Variants in UGT2B10 observed in about 807,000 individuals in gnomAD.
The protein encoded by UGT2B10 is UDP glucuronosyltransferase family 2 member B10.
In UGT2B10, 51 loss-of-function variants were observed where a neutral mutation model predicts 43.7. That is an observed-to-expected ratio of 1.17 (90% CI 0.93 to 1.47). UGT2B10 has a LOEUF of 1.47. Among genes scored for constraint, UGT2B10 ranks in the 40% most tolerant of loss-of-function variants. UGT2B10 has a pLI of 0.00. For missense variants in UGT2B10, 696 were observed against 617.7 expected (o/e 1.13, Z -1.34); for synonymous variants, 225 against 209.0 (o/e 1.08, Z -0.66).
chr4:68,831,710 T>C lies in UGT2B10; in HGVS notation c.*831T>C, dbSNP rs1738107565. Among the ~76,000 whole-genome samples, 3 of 152,120 alleles carry C rather than the reference T, an allele frequency of 2.0e-5. No homozygotes were observed. Among genetic ancestry groups the C allele is most frequent in the Admixed American group, 1.3e-4 (2 of 15,246 alleles). On this transcript the variant is annotated 3_prime_UTR_variant, in exon 6 of 6. Transcript: ENST00000265403. ...TCTTCCAAAGCTCTCTTGTTTCTAG[T>C]TGTTTTCTTGGTCTTAACTACCCAT...
At chr4:68,830,579 A>T (rs2109707272) in intron 5 of UGT2B10, 21 bp from the exon 6 acceptor site, 1 of 1,594,208 alleles carries the variant, frequency 6.3e-7, no homozygotes, top group East Asian at 2.2e-5. Flanking sequence ...CAGTGTCGGT[A>T]TCTTTATTTT....
In UGT2B10 at chr4:68,816,395, T is replaced by C. The variant is rs182665756; in HGVS notation, c.376T>C (p.Cys126Arg). 8.6e-5 allele frequency: 138 copies of C among 1,612,742 alleles called. No individual in the cohort carries two copies. The highest frequency in any genetic ancestry group is 1.7e-6 in the Non-Finnish European group (2 of 1,179,326). Residue 126 changes from cysteine to arginine, a missense_variant, in exon 1 of 6, where the codon TGT becomes CGT. Physicochemically the swap from Cys to Arg is radical, Grantham distance 180. Coordinates refer to ENST00000265403, the MANE Select transcript of UGT2B10 (RefSeq NM_001075.6). ...AATTAATGACATAATTAGAAACTTC[T>C]GTAAAGATGTAGTTTCAAATAAGAA... ...WAINDIIRNF[C>R]KDVVSNKKLM...
rs1334616918 is a variant in UGT2B10, at chr4:68,830,988, A to G, written c.*109A>G. On this transcript the variant is annotated 3_prime_UTR_variant, in exon 6 of 6. Transcript: ENST00000265403. ...TTCTTTCTTCCTGTGACAAAAAAAA[A>G]TCCTTTCGAAGTCTACCTTGTCAAG... The G allele has an allele frequency of 1.4e-6, 2 of 1,434,322 alleles. No individual in the cohort carries two copies. The highest frequency in any genetic ancestry group is 2.6e-5 in the Admixed American group (1 of 39,040). The allele number at this position is 1,434,322 out of a possible 1,614,324, so 88.8% of individuals were successfully genotyped here.
intron 2 of UGT2B10, among the ~76,000 whole-genome samples, chr4:68,818,734 G>C (rs932406060): frequency 4.6e-5 from 7 of 151,794 alleles, no homozygotes; most frequent in African/African-American, 1.4e-4. Context: ...AGAATGGTGG[G>C]GAGAGACAGA....
At chr4:68,824,643 G>C (rs13111722) in intron 3 of UGT2B10, among the ~76,000 whole-genome samples, 81 of 152,250 alleles carry the variant, frequency 5.3e-4, no homozygotes, top group African/African-American at 1.7e-3. Flanking sequence ...TACTTTAACA[G>C]TGATGTAGCA....
chr4:68,830,144 C>T (rs960754590), intron 5 of UGT2B10, among the ~76,000 whole-genome samples: 8 of 151,854 alleles, frequency 5.3e-5, no homozygotes, highest in African/African-American at 1.7e-4. Flanking sequence ...TTCTAATATG[C>T]CTGTTTTAGA....
chr4:68,827,391 T>A lies in UGT2B10; in HGVS notation c.1150T>A (p.Tyr384Asn). 1 of 1,613,508 alleles carries A rather than the reference T, an allele frequency of 6.2e-7. No individual in the cohort carries two copies. Among genetic ancestry groups the A allele is most frequent in the Non-Finnish European group, 8.5e-7 (1 of 1,179,570 alleles). The change falls in exon 5 of 6, where the codon TAC (tyrosine) becomes AAC (asparagine). Residue 384 changes from tyrosine (Y) to asparagine (N), a missense_variant. By Grantham distance (143) the Tyr-to-Asn change is moderately radical. Coordinates refer to ENST00000265403, the MANE Select transcript of UGT2B10 (RefSeq NM_001075.6). ...GGANGIYEAIYHGIPMVGIPL... is the reference protein window; with the variant it reads ...GGANGIYEAINHGIPMVGIPL... ...AGCCAATGGCATCTATGAGGCAATC[T>A]ACCATGGGATCCCTATGGTGGGCAT...
chr4:68,819,246 T>C (rs1423014312), intron 2 of UGT2B10, among the ~76,000 whole-genome samples: 3 of 151,966 alleles, frequency 2.0e-5, no homozygotes, highest in Non-Finnish European at 2.9e-5. Context: ...ACTAACTACT[T>C]AACATGTGCA....
At chr4:68,830,081 G>T (rs187033751) in intron 5 of UGT2B10, among the ~76,000 whole-genome samples, 1 of 151,970 alleles carries the variant, frequency 6.6e-6, no homozygotes, top group Non-Finnish European at 1.5e-5. Context: ...TTCTCAGATT[G>T]CATTTTCACA....
At chr4:68,819,832 C>T (rs1466687581) in intron 2 of UGT2B10, among the ~76,000 whole-genome samples, 4 of 152,024 alleles carry the variant, frequency 2.6e-5, no homozygotes, top group Non-Finnish European at 4.4e-5. Context: ...ACAAGAACTT[C>T]ATATATTTTA....
In UGT2B10 at chr4:68,816,777, A is replaced by C. The variant is rs751616184; in HGVS notation, c.718+40A>C. 2.3e-5 allele frequency: 34 copies of C among 1,490,382 alleles called. No homozygotes were observed. The East Asian group carries it at 7.3e-4, about 32-fold the overall frequency. 92.3% of individuals were successfully genotyped at this position (1,490,382 alleles called of 1,614,324 possible). ...AATTAGTAACATGAAGCTCTAACTT[A>C]TTTGTGTCTTTGAAGCACAACTTGC... On this transcript the variant is annotated intron_variant, in intron 1 of 5. Transcript: ENST00000265403.
intron 3 of UGT2B10, among the ~76,000 whole-genome samples, chr4:68,824,984 C>T (rs947250917): frequency 5.3e-5 from 8 of 152,050 alleles, no homozygotes; most frequent in Non-Finnish European, 1.0e-4. Context: ...GGAAGTAGTG[C>T]TTGATAATTT....
intron 1 of UGT2B10, among the ~76,000 whole-genome samples, chr4:68,817,357 T>C (rs1289704456): frequency 3.3e-5 from 5 of 151,842 alleles, no homozygotes; most frequent in African/African-American, 1.2e-4. Flanking sequence ...AAGGTTGTTA[T>C]ATCTATATAG....
intron 2 of UGT2B10, 96 bp from the exon 3 acceptor site, chr4:68,822,175 T>G (rs113393764): frequency 6.8e-4 from 1,039 of 1,524,282 alleles, no homozygotes; most frequent in Non-Finnish European, 8.6e-4. Flanking sequence ...TCAAAATACT[T>G]GATTTTCTCT....
At chr4:68,821,093 G>A (rs1186340304) in intron 2 of UGT2B10, among the ~76,000 whole-genome samples, 1 of 152,092 alleles carries the variant, frequency 6.6e-6, no homozygotes, top group Non-Finnish European at 1.5e-5. Context: ...GGACTCTCAC[G>A]TTAACTTAAG....
intron 2 of UGT2B10, among the ~76,000 whole-genome samples, chr4:68,821,891 A>G (rs1212113178): frequency 7.0e-5 from 2 of 28,542 alleles, no homozygotes; most frequent in Non-Finnish European, 2.2e-3. Flanking sequence ...ACAAAAATAT[A>G]GATTAAACCC....
At position 68,831,120 on chromosome 4, in the gene UGT2B10, G is replaced by A. The variant is rs914001715; in HGVS notation, c.*241G>A. 3 of 504,644 alleles carry A rather than the reference G, an allele frequency of 5.9e-6. No individual in the cohort carries two copies. The highest frequency in any genetic ancestry group is 1.0e-5 in the Non-Finnish European group (3 of 298,230). 31.3% of individuals were successfully genotyped at this position (504,644 alleles called of 1,614,324 possible). On this transcript the variant is annotated 3_prime_UTR_variant, in exon 6 of 6. Coordinates refer to ENST00000265403, the MANE Select transcript of UGT2B10 (RefSeq NM_001075.6). The stretch of plus-strand genomic sequence containing the variant: ...TAAAAAATAATATAAAGCCATATGA[G>A]CTTGTATTGAAATTTGTTGCACTTA...
chr4:68,823,632 A>G (rs891930339), intron 3 of UGT2B10, among the ~76,000 whole-genome samples: 1 of 152,132 alleles, frequency 6.6e-6, no homozygotes, highest in Non-Finnish European at 1.5e-5. Flanking sequence ...TAGGGAACAA[A>G]CTTTTTAAGT....
chr4:68,825,157 A>G (rs1737708710), intron 3 of UGT2B10, among the ~76,000 whole-genome samples: 1 of 152,126 alleles, frequency 6.6e-6, no homozygotes, highest in African/African-American at 2.4e-5. Flanking sequence ...TTACTCAAAA[A>G]GAAACGAATA....
Sources: allele counts gnomAD v4.1 joint callset (sites outside exome capture counted in the v4.1 genomes callset), GRCh38; gene constraint gnomAD v4.1.1; transcripts MANE v1.5; gene names NCBI Gene and HGNC (gene_info 2026-07-23, HGNC 2026-07-21).